The following SLC25A30 variants were observed in gnomAD, a reference collection of about 807,000 sequenced individuals.
SLC25A30 encodes solute carrier family 25 member 30, also known as kidney mitochondrial carrier protein 1.
In SLC25A30, 29 loss-of-function variants were observed where a neutral mutation model predicts 42.7. The ratio of observed to expected loss-of-function variants is 0.68; its 90% CI spans 0.51 to 0.93. The LOEUF (loss-of-function observed/expected upper bound fraction) is 0.93. SLC25A30 is among the 40% of genes least tolerant of loss of function. The pLI, the probability that SLC25A30 is intolerant of heterozygous loss-of-function variation, is 0.00. For missense variants in SLC25A30, 300 were observed against 359.7 expected, an observed-to-expected ratio of 0.83 and a Z score of 1.34; for synonymous variants, 124 against 131.0, an observed-to-expected ratio of 0.95 and a Z score of 0.37.
chr13:45,425,128 A>ATGT, the SLC25A30 span, among the ~76,000 whole-genome samples: 1 of 60,888 alleles, frequency 1.6e-5, no homozygotes, highest in Non-Finnish European at 2.9e-5. Context: ...ATAAATATAT[A>ATGT]AGTATATAAA....
At chr13:45,412,877 C>G (rs11842781) in intron 1 of SLC25A30, among the ~76,000 whole-genome samples, 4,187 of 152,238 alleles carry the variant, frequency 0.028, 194 homozygotes, top group African/African-American at 0.094. Flanking sequence ...ATGACTAATA[C>G]TTTTGTATAT....
At chr13:45,396,323 T>G in intron 9 of SLC25A30, 1 of 1,163,526 alleles carries the variant, frequency 8.6e-7, no homozygotes, top group South Asian at 2.3e-5. Context: ...TGTAAGCTTT[T>G]GAGAGAGAGA....
intron 1 of SLC25A30, among the ~76,000 whole-genome samples, chr13:45,415,173 A>G (rs1883410866): frequency 6.6e-6 from 1 of 152,154 alleles, no homozygotes; most frequent in Non-Finnish European, 1.5e-5. Flanking sequence ...ATTGCTATAC[A>G]TTTTCTTCAC....
At chr13:45,425,434 ATGTATATATAAATATATAAG>A in the SLC25A30 span, among the ~76,000 whole-genome samples, 30 of 112,284 alleles carry the variant, frequency 2.7e-4, no homozygotes, top group African/African-American at 8.7e-4. Flanking sequence ...ATATAAATAT[ATGTATATATAAATATATAAG>A]TGTATATATA....
At chr13:45,409,166 A>G in intron 2 of SLC25A30, 92 bp from the exon 3 acceptor site, 2 of 872,014 alleles carry the variant, frequency 2.3e-6, no homozygotes, top group Non-Finnish European at 1.6e-6. Context: ...CATTCAGACT[A>G]CAATATAAAC....
At position 45,411,342 on chromosome 13, in the gene SLC25A30, C is replaced by T. The variant is rs754471574; in HGVS notation, c.64+20G>A. The T allele has an allele frequency of 1.9e-6, 3 of 1,587,114 alleles. No homozygotes were observed. Among genetic ancestry groups the T allele is most frequent in the Non-Finnish European group, 1.7e-6 (2 of 1,155,444 alleles). On this transcript the variant is annotated intron_variant, in intron 2 of 9. Coordinates refer to ENST00000519676, the MANE Select transcript of SLC25A30 (RefSeq NM_001010875.4). ...ATCACATACAGCAGGCTACGTGATC[C>T]ACCACCCTCAGGTCCTTACCGCACT...
Position 45,409,038 on chromosome 13 carries a change from T to A in SLC25A30, c.101A>T (p.Gln34Leu), listed in dbSNP as rs753792185. 4 of 1,612,640 alleles carry A rather than the reference T, an allele frequency of 2.5e-6. No homozygotes were observed. The East Asian group carries it at 8.9e-5, about 36-fold the overall frequency. ...FPIDLTKTRL[Q>L]IQGQTNDAKF... ...TGCATCATTCGTCTGGCCTTGAATC[T>A]GGAGCCGTGTCTTGGTTAAATCAAT... The change falls in exon 3 of 10, where the codon CAG becomes CTG. Residue 34 changes from glutamine to leucine, a missense_variant. By Grantham distance (113) the Gln-to-Leu change is moderately radical. Transcript: ENST00000519676.
In SLC25A30 at chr13:45,400,014, T is replaced by TTATA. The variant is rs1322955547; in HGVS notation, c.615-940_615-937dup. On this transcript the variant is annotated intron_variant, in intron 7 of 9. Coordinates refer to ENST00000519676, the MANE Select transcript of SLC25A30 (RefSeq NM_001010875.4). ...TTGCCCACCAATGGATTATGTATGA[T>TTATA]TATATATATATATATATATACACAC... 8.9e-3 allele frequency among the ~76,000 whole-genome samples: 790 copies of TTATA among 88,778 alleles called. 17 individuals carry two copies. Among genetic ancestry groups the TTATA allele is most frequent in the African/African-American group, 0.03 (693 of 23,012 alleles). 58.2% of individuals were successfully genotyped at this position (88,778 alleles called of 152,430 possible). A position where few individuals can be genotyped will look rare whatever the true frequency, so the allele number is the denominator to read the frequency against.
At chr13:45,425,212 A>T in the SLC25A30 span, among the ~76,000 whole-genome samples, 1 of 102,994 alleles carries the variant, frequency 9.7e-6, no homozygotes, top group Non-Finnish European at 1.7e-5. Flanking sequence ...GTAAGTATAT[A>T]TATACGTATG....
In SLC25A30 at chr13:45,401,245, T is replaced by C. The variant is rs763875943; in HGVS notation, c.490-38A>G. The stretch of plus-strand genomic sequence containing the variant: ...ATTAACAATAAAAATGATTCTGATA[T>C]GCCTCTGTAGAACAAGCCTTGCAAA... On this transcript the variant is annotated intron_variant, in intron 6 of 9. Transcript: ENST00000519676. The C allele has an allele frequency of 9.9e-6, 16 of 1,608,132 alleles. No homozygotes were observed. The African/African-American group carries it at 1.7e-4, about 17-fold the overall frequency.
the SLC25A30 span, among the ~76,000 whole-genome samples, chr13:45,423,838 A>G: frequency 2.6e-5 from 2 of 76,362 alleles, no homozygotes; most frequent in South Asian, 8.3e-4. Context: ...ATTTATATAT[A>G]TAAATATGTA....
intron 9 of SLC25A30, chr13:45,396,984 C>G (rs1193432525): frequency 1.7e-5 from 6 of 355,950 alleles, no homozygotes; most frequent in Non-Finnish European, 3.0e-5. Flanking sequence ...TCTCTGAAAT[C>G]GTAAATACCC....
chr13:45,393,965 T>C lies in SLC25A30; in HGVS notation c.*2009A>G. 1.0e-6 allele frequency: 1 copy of C among 984,848 alleles called. No homozygotes were observed. The highest frequency in any genetic ancestry group is 1.2e-6 in the Non-Finnish European group (1 of 829,418). The allele number at this position is 984,848 out of a possible 1,614,324, so 61.0% of individuals were successfully genotyped here. ...TCTACTGTTTTAAAAATTGTATGCATATTTGAAAAAGTAAAATTTTTCTAC... is the reference window on the plus strand; with the variant it reads ...TCTACTGTTTTAAAAATTGTATGCACATTTGAAAAAGTAAAATTTTTCTAC... On this transcript the variant is annotated 3_prime_UTR_variant, in exon 10 of 10. Transcript: ENST00000519676.
At chr13:45,408,068 A>G (rs961634555) in intron 3 of SLC25A30, among the ~76,000 whole-genome samples, 4 of 152,090 alleles carry the variant, frequency 2.6e-5, no homozygotes, top group Non-Finnish European at 5.9e-5. Flanking sequence ...CTCCTACTTA[A>G]ACACTTTCAG....
At chr13:45,419,198 T>C (rs1883803693), upstream of SLC25A30, among the ~76,000 whole-genome samples, 1 of 147,866 alleles carries the variant, frequency 6.8e-6, no homozygotes. Flanking sequence ...AACCGTACTA[T>C]GAGTAGAAAT....
the SLC25A30 span, among the ~76,000 whole-genome samples, chr13:45,423,703 A>AAC: frequency 6.7e-4 from 2 of 3,006 alleles, 1 homozygote; most frequent in Non-Finnish European, 1.3e-3. Flanking sequence ...TAAATATATA[A>AAC]ATATATAAAC....
chr13:45,420,307 T>C (rs1219403178), upstream of SLC25A30: 1 of 152,154 alleles, frequency 6.6e-6, no homozygotes, highest in Non-Finnish European at 1.5e-5. Flanking sequence ...GGACTCTAGG[T>C]GAGTACCTGG....
chr13:45,427,504 A>G, the SLC25A30 span, among the ~76,000 whole-genome samples: 1 of 152,086 alleles, frequency 6.6e-6, no homozygotes, highest in Non-Finnish European at 1.5e-5. Flanking sequence ...ACTTCCCCTG[A>G]AAATCATTTA....
chr13:45,394,592 G>GT lies in SLC25A30; in HGVS notation c.*1381dup. On this transcript the variant is annotated 3_prime_UTR_variant, in exon 10 of 10. Transcript: ENST00000519676. ...CCTCCCAGAAGTGGAAGTTCTTGGG[G>GT]TTCTCACAGTCATCTTTTATTTTGA... The GT allele has an allele frequency of 1.5e-5, 15 of 985,356 alleles. No individual in the cohort carries two copies. In the South Asian group the frequency reaches 7.1e-4, roughly 46 times the overall value. The allele number at this position is 985,356 out of a possible 1,614,324, so 61.0% of individuals were successfully genotyped here.
Sources: gnomAD v4.1 joint callset for allele counts (sites outside exome capture counted in the v4.1 genomes callset) on GRCh38, gnomAD v4.1.1 for gene constraint, MANE v1.5 for transcripts, NCBI Gene and HGNC (gene_info 2026-07-23, HGNC 2026-07-21) for gene names.